RAD23B: variants seen among roughly 807,000 people sequenced by gnomAD.
RAD23B encodes RAD23 nucleotide excision repair protein B.
Under a neutral mutation model 49.1 loss-of-function variants are expected in RAD23B, and 5 were observed. The ratio of observed to expected loss-of-function variants is 0.10; its 90% CI spans 0.05 to 0.21. The LOEUF (loss-of-function observed/expected upper bound fraction) is 0.21. RAD23B is among the 10% of genes least tolerant of loss of function. RAD23B has a pLI of 1.00. For synonymous variants in RAD23B, 184 were observed against 165.4 expected (o/e 1.11, Z -0.86); for missense variants, 356 against 486.7 (o/e 0.73, Z 2.53).
intron 2 of RAD23B, among the ~76,000 whole-genome samples, chr9:107,300,609 AAC>A (rs950349938): frequency 3.5e-4 from 54 of 152,170 alleles, no homozygotes; most frequent in Admixed American, 1.9e-3. Flanking sequence ...GTACAGAAAA[AAC>A]ACATCACACA....
chr9:107,321,663 A>G (rs1161488582), intron 6 of RAD23B, among the ~76,000 whole-genome samples: 1 of 152,188 alleles, frequency 6.6e-6, no homozygotes, highest in Non-Finnish European at 1.5e-5. Flanking sequence ...TATTTTTCAA[A>G]TTTGATGCTA....
chr9:107,303,169 T>C (rs1327039597), intron 3 of RAD23B, among the ~76,000 whole-genome samples: 1 of 151,624 alleles, frequency 6.6e-6, no homozygotes, highest in Non-Finnish European at 1.5e-5. Context: ...TAGGATTGGA[T>C]TGTCATAATC....
chr9:107,310,234 G>A (rs2133083788), intron 4 of RAD23B, among the ~76,000 whole-genome samples: 1 of 152,094 alleles, frequency 6.6e-6, no homozygotes, highest in Admixed American at 6.5e-5. Context: ...AATTATAGAT[G>A]GATACGGATT....
Position 107,318,744 on chromosome 9 carries a change from C to T in RAD23B, c.554-8C>T, listed in dbSNP as rs765399938. ...TTCCTTTTTTTCCCCTCCACCCTCC[C>T]TTTTTAGTGACGGGTCAGTCTTACG... is the stretch of plus-strand genomic sequence containing the variant. On this transcript the variant is annotated splice_region_variant and splice_polypyrimidine_tract_variant and intron_variant, in intron 5 of 9. Coordinates refer to ENST00000358015, the MANE Select transcript of RAD23B (RefSeq NM_002874.5). The surrounding 1 kb of genome is among the most constrained non-coding windows in gnomAD (Gnocchi z 4.3). The T allele has an allele frequency of 3.7e-6, 6 of 1,605,178 alleles. No individual in the cohort carries two copies. Among genetic ancestry groups the T allele is most frequent in the Non-Finnish European group, 5.1e-6 (6 of 1,174,288 alleles).
chr9:107,327,923 CTTT>C (rs1230667069), intron 9 of RAD23B, among the ~76,000 whole-genome samples: 1 of 152,058 alleles, frequency 6.6e-6, no homozygotes, highest in Non-Finnish European at 1.5e-5. Flanking sequence ...TTCCTGAACC[CTTT>C]TTATCATAAA....
Position 107,283,615 on chromosome 9 carries a change from C to A in RAD23B, c.-15C>A. 1 of 1,472,150 alleles carries A rather than the reference C, an allele frequency of 6.8e-7. No homozygotes were observed. Among genetic ancestry groups the A allele is most frequent in the Non-Finnish European group, 9.0e-7 (1 of 1,108,980 alleles). The allele number at this position is 1,472,150 out of a possible 1,614,324, so 91.2% of individuals were successfully genotyped here. The stretch of plus-strand genomic sequence containing the variant: ...ACCCGGCGCAGGCCCGGCAGCCGAG[C>A]TGCGCGGCGGCACCATGCAGGTCAC... On this transcript the variant is annotated 5_prime_UTR_variant, in exon 1 of 10. The change creates a new upstream start codon in the 5' untranslated region. Transcript: ENST00000358015.
chr9:107,313,808 C>T (rs1261952443), intron 5 of RAD23B, among the ~76,000 whole-genome samples: 3 of 152,078 alleles, frequency 2.0e-5, no homozygotes, highest in African/African-American at 7.2e-5. Context: ...TTACTTGTAC[C>T]ATCATTCATT....
In RAD23B at chr9:107,332,112, G is replaced by A. The variant is rs187746386; in HGVS notation, c.*2456G>A. ...TTTTTTTTCATTGTTTAAAAATACG[G>A]AAGTGTTCCAATATAATTTTTTCCT... On this transcript the variant is annotated 3_prime_UTR_variant, in exon 10 of 10. Coordinates refer to ENST00000358015, the MANE Select transcript of RAD23B (RefSeq NM_002874.5). 1 of 210,902 alleles carries A rather than the reference G, an allele frequency of 4.7e-6. No individual in the cohort carries two copies. The highest frequency in any genetic ancestry group is 9.3e-6 in the Non-Finnish European group (1 of 107,450). The allele number at this position is 210,902 out of a possible 1,614,324, so 13.1% of individuals were successfully genotyped here. A position where few individuals can be genotyped will look rare whatever the true frequency, so the allele number is the denominator to read the frequency against.
intron 2 of RAD23B, among the ~76,000 whole-genome samples, chr9:107,300,428 G>A (rs1294148861): frequency 6.6e-6 from 1 of 151,328 alleles, no homozygotes. Context: ...CCATCAAATG[G>A]TATTAGTTTT....
chr9:107,305,669 A>G (rs959999827), intron 3 of RAD23B, among the ~76,000 whole-genome samples: 1 of 152,126 alleles, frequency 6.6e-6, no homozygotes. Flanking sequence ...GCTTAATTAC[A>G]TATATGTCTG....
At chr9:107,297,644 T>A (rs558433853) in intron 1 of RAD23B, among the ~76,000 whole-genome samples, 1 of 152,240 alleles carries the variant, frequency 6.6e-6, no homozygotes, top group Admixed American at 6.5e-5. Context: ...AGCCTTAATA[T>A]TTTTTAATCA....
chr9:107,318,905 C>T lies in RAD23B; in HGVS notation c.681+26C>T. 6.3e-7 allele frequency: 1 copy of T among 1,580,898 alleles called. No homozygotes were observed. The highest frequency in any genetic ancestry group is 8.6e-7 in the Non-Finnish European group (1 of 1,159,316). ...GTGAGAAATATGTTTTACTTTACTC[C>T]ATTCTGTTGTTTAAGATTAAAATCT... On this transcript the variant is annotated intron_variant, in intron 6 of 9. Coordinates refer to ENST00000358015, the MANE Select transcript of RAD23B (RefSeq NM_002874.5). This position sits in a 1 kb window ranked among gnomAD's most constrained non-coding sequence, Gnocchi z 4.3.
chr9:107,304,527 C>T (rs1020897835), intron 3 of RAD23B, among the ~76,000 whole-genome samples: 2 of 152,178 alleles, frequency 1.3e-5, no homozygotes, highest in African/African-American at 2.4e-5. Flanking sequence ...AGTAATGCTA[C>T]TAGTATTTTT....
chr9:107,286,678 T>G (rs532648844), intron 1 of RAD23B, among the ~76,000 whole-genome samples: 1 of 152,192 alleles, frequency 6.6e-6, no homozygotes, highest in Non-Finnish European at 1.5e-5. Flanking sequence ...GTGCTTTTTT[T>G]GTTTTTTACT....
Position 107,331,697 on chromosome 9 carries a change from AAAAAC to A in RAD23B, c.*2043_*2047del, listed in dbSNP as rs768193911. ...ATAGTGAAAACTGGAAACAAAAAAA[AAAAAC>A]AGCCTCTTCTTGGAAAGTGACAGCA... On this transcript the variant is annotated 3_prime_UTR_variant, in exon 10 of 10. Transcript: ENST00000358015. 2.6e-5 allele frequency: 20 copies of A among 779,074 alleles called. No homozygotes were observed. The African/African-American group carries it at 3.0e-4, about 12-fold the overall frequency. The allele number at this position is 779,074 out of a possible 1,614,324, so 48.3% of individuals were successfully genotyped here.
intron 4 of RAD23B, 74 bp downstream of exon 4, chr9:107,306,721 ATTGTT>A: frequency 6.8e-7 from 1 of 1,479,224 alleles, no homozygotes. Context: ...TATTTTGATT[ATTGTT>A]TTGATCAAAC....
chr9:107,283,962 G>T, intron 1 of RAD23B: 1 of 1,130,268 alleles, frequency 8.8e-7, no homozygotes, highest in Non-Finnish European at 1.1e-6. Context: ...GCGGGCCTGG[G>T]CCTAGGAGCT....
intron 1 of RAD23B, among the ~76,000 whole-genome samples, chr9:107,298,474 ATTTTTTTTTTTTTTTTTTTTTTT>A (rs35923233): frequency 1.9e-5 from 1 of 53,112 alleles, no homozygotes; most frequent in African/African-American, 1.0e-4. Flanking sequence ...TGCTTGGCTA[ATTTTTTTTTTTTTTTTTTTTTTT>A]TTTTTGCATT....
rs149920298 is a variant in RAD23B, at chr9:107,294,548, A to C, written c.67-5593A>C. Among the ~76,000 whole-genome samples the C allele has an allele frequency of 1.2e-4, 19 of 152,336 alleles. No homozygotes were observed. The East Asian group carries it at 3.1e-3, about 25-fold the overall frequency. On this transcript the variant is annotated intron_variant, in intron 1 of 9. Transcript: ENST00000358015. ...CCAAGAGAAACCTTGTGCTGAGTTC[A>C]TACCTCTTCCTTTGAAGCATCCAGA...
Sources: gnomAD v4.1 joint callset for allele counts (sites outside exome capture counted in the v4.1 genomes callset) on GRCh38, gnomAD v4.1.1 for gene constraint, Gnocchi (gnomAD v3.1) non-coding constraint, MANE v1.5 for transcripts, NCBI Gene and HGNC (gene_info 2026-07-23, HGNC 2026-07-21) for gene names.